Variants in ATP2C2 observed in about 807,000 individuals in gnomAD.
ATP2C2 encodes ATPase secretory pathway Ca2+ transporting 2.
Under a neutral mutation model 110.8 loss-of-function variants are expected in ATP2C2, and 171 were observed. The observed-to-expected ratio is 1.54, with a 90% CI of 1.36 to 1.75. The LOEUF (loss-of-function observed/expected upper bound fraction) is 1.75, where lower values mean the gene tolerates loss of function less well. Ranked by LOEUF, ATP2C2 falls within the 40% of genes most tolerant of loss-of-function variation. The probability of loss-of-function intolerance (pLI) is 0.00; values close to 1 mark genes in which losing one functional copy is unlikely to be tolerated. For synonymous variants in ATP2C2, 804 were observed against 508.4 expected (o/e 1.58, Z -7.82); for missense variants, 1,963 against 1,235.0 (o/e 1.59, Z -8.84).
At chr16:84,393,353 T>G (rs1904773851) in intron 1 of ATP2C2, among the ~76,000 whole-genome samples, 1 of 150,816 alleles carries the variant, frequency 6.6e-6, no homozygotes, top group Admixed American at 6.6e-5. Flanking sequence ...GGGCGAGGAG[T>G]GGCAGCGTCC....
chr16:84,422,416 C>G lies in ATP2C2; in HGVS notation c.651C>G (p.Ser217=), dbSNP rs549313591. Residue 217 remains serine, a synonymous_variant, in exon 8 of 27, where the codon TCC becomes TCG. Transcript: ENST00000262429. ...TEVTDLLVDE[S]SFTGEAEPCS... ...TCACGGACCTCTTGGTGGATGAATC[C>G]AGTTTCACCGGGGAAGCCGAGCCAT... 5.0e-6 allele frequency: 8 copies of G among 1,614,068 alleles called. No individual in the cohort carries two copies. The highest frequency in any genetic ancestry group is 1.6e-4 in the Middle Eastern group (1 of 6,062).
At chr16:84,453,413 G>A (rs754090777) in intron 20 of ATP2C2, 42 bp downstream of exon 20, 35 of 1,611,182 alleles carry the variant, frequency 2.2e-5, no homozygotes, top group East Asian at 8.9e-5. Flanking sequence ...TGCTGGGGCC[G>A]GGCCAGAGAC....
At chr16:84,428,995 T>C (rs1378853004) in intron 11 of ATP2C2, among the ~76,000 whole-genome samples, 1 of 152,150 alleles carries the variant, frequency 6.6e-6, no homozygotes, top group Non-Finnish European at 1.5e-5. Context: ...TCTCGGTTTG[T>C]TTTACTAATG....
intron 10 of ATP2C2, among the ~76,000 whole-genome samples, chr16:84,425,095 C>G (rs1032409259): frequency 1.3e-5 from 2 of 152,152 alleles, no homozygotes; most frequent in African/African-American, 4.8e-5. Flanking sequence ...CATACACACA[C>G]ACACCCCGCT....
chr16:84,425,491 A>C (rs1907728813), intron 10 of ATP2C2, among the ~76,000 whole-genome samples: 1 of 152,124 alleles, frequency 6.6e-6, no homozygotes, highest in South Asian at 2.1e-4. Context: ...TCCAAAATAG[A>C]CTGATTGAGC....
chr16:84,378,634 C>T (rs1910389862), intron 1 of ATP2C2, among the ~76,000 whole-genome samples: 1 of 152,236 alleles, frequency 6.6e-6, no homozygotes, highest in Non-Finnish European at 1.5e-5. Context: ...CAGAATCAAG[C>T]CCTGTCTTGC....
At chr16:84,392,147 C>G (rs1056914442) in intron 1 of ATP2C2, among the ~76,000 whole-genome samples, 8 of 152,086 alleles carry the variant, frequency 5.3e-5, no homozygotes, top group African/African-American at 1.9e-4. Context: ...TACCCAGTGC[C>G]AATGAGGGGA....
intron 7 of ATP2C2, among the ~76,000 whole-genome samples, chr16:84,420,003 C>T (rs915752554): frequency 6.6e-6 from 1 of 152,164 alleles, no homozygotes; most frequent in African/African-American, 2.4e-5. Flanking sequence ...AGCTACTTGT[C>T]TCATGCTGAC....
In ATP2C2 at chr16:84,415,484, C is replaced by G. The variant is rs1211161796; in HGVS notation, c.517C>G (p.Leu173Val). The G allele has an allele frequency of 3.7e-6, 6 of 1,614,054 alleles. No individual in the cohort carries two copies. In the Admixed American group the frequency reaches 5.0e-5, roughly 13 times the overall value. ...TGCTTTTTACCATGTCAAATGCAGC[C>G]TAAGAGAAGGAAAACTCCAGCACCT... is the stretch of plus-strand genomic sequence containing the variant. ...TKLVPPECNC[L>V]REGKLQHLLA... The change falls in exon 7 of 27, where the codon CTA (leucine) becomes GTA (valine). Residue 173 changes from leucine to valine, a missense_variant and splice_region_variant. Physicochemically the swap from Leu to Val is conservative, Grantham distance 32. Coordinates refer to ENST00000262429, the MANE Select transcript of ATP2C2 (RefSeq NM_014861.4).
At position 84,439,493 on chromosome 16, in the gene ATP2C2, A is replaced by C. The variant is rs372130717; in HGVS notation, c.1178A>C (p.Gln393Pro). ...TLTANEMTVT[Q>P]LVTSDGLRAE... ...ACTGCCAATGAAATGACAGTGACCCAGCTTGTAACGTCAGATGGGCTTCGT... is the reference window on the plus strand; with the variant it reads ...ACTGCCAATGAAATGACAGTGACCCCGCTTGTAACGTCAGATGGGCTTCGT... The change falls in exon 13 of 27, where the codon CAG (glutamine) becomes CCG (proline). Residue 393 changes from glutamine to proline, a missense_variant. By Grantham distance (76) the Gln-to-Pro change is moderately conservative. Transcript: ENST00000262429. 2.2e-5 allele frequency: 36 copies of C among 1,614,118 alleles called. No individual in the cohort carries two copies. The highest frequency in any genetic ancestry group is 3.1e-5 in the Non-Finnish European group (36 of 1,180,052).
At position 84,374,707 on chromosome 16, in the gene ATP2C2, A is replaced by T. The variant is rs189895156; in HGVS notation, c.99+5993A>T. Among the ~76,000 whole-genome samples, 39 of 152,220 alleles carry T rather than the reference A, an allele frequency of 2.6e-4. No individual in the cohort carries two copies. The East Asian group carries it at 7.3e-3, about 29-fold the overall frequency. ...TTTGGTTTTCATTTGTGTGCACACA[A>T]ATTGTTTGTAGATTTGGTATTTCTC... On this transcript the variant is annotated intron_variant, in intron 1 of 26. Transcript: ENST00000262429.
chr16:84,432,397 C>T (rs959252463), intron 11 of ATP2C2, among the ~76,000 whole-genome samples: 3 of 152,128 alleles, frequency 2.0e-5, no homozygotes, highest in African/African-American at 7.2e-5. Flanking sequence ...TTAAGCCCCA[C>T]ATGCATTAGG....
Position 84,405,363 on chromosome 16 carries a change from C to G in ATP2C2, c.327+119C>G, listed in dbSNP as rs928497515. 2.0e-5 allele frequency: 16 copies of G among 819,498 alleles called. No homozygotes were observed. In the Admixed American group the frequency reaches 3.5e-4, roughly 18 times the overall value. 50.8% of individuals were successfully genotyped at this position (819,498 alleles called of 1,614,324 possible). A position where few individuals can be genotyped will look rare whatever the true frequency, so the allele number is the denominator to read the frequency against. On this transcript the variant is annotated intron_variant, in intron 3 of 26. Transcript: ENST00000262429. ...TTGGACAGCTCCCGCCCCTTTCACG[C>G]TGCCCCAGCCAGCCTGAGCATCAGT...
chr16:84,459,053 A>G, intron 21 of ATP2C2, 67 bp from the exon 22 acceptor site: 1 of 1,557,360 alleles, frequency 6.4e-7, no homozygotes, highest in Non-Finnish European at 8.8e-7. Context: ...CCCTTGCAGC[A>G]ACCGATGCAC....
At chr16:84,412,269 T>C (rs1352979921) in intron 6 of ATP2C2, among the ~76,000 whole-genome samples, 1 of 143,080 alleles carries the variant, frequency 7.0e-6, no homozygotes, top group Non-Finnish European at 1.5e-5. Flanking sequence ...TGTGTATGTA[T>C]GTGTGTACGT....
intron 1 of ATP2C2, among the ~76,000 whole-genome samples, chr16:84,380,114 T>C (rs1345611119): frequency 6.6e-6 from 1 of 152,152 alleles, no homozygotes; most frequent in East Asian, 1.9e-4. Context: ...TCAGGAAAGA[T>C]AAGCTGGCCT....
chr16:84,411,052 C>T, intron 6 of ATP2C2: 1 of 504,070 alleles, frequency 2.0e-6, no homozygotes, highest in Non-Finnish European at 3.6e-6. Flanking sequence ...GGGTAGCCCA[C>T]AAAGCCTGTG....
chr16:84,420,631 T>C (rs941003984), intron 7 of ATP2C2, among the ~76,000 whole-genome samples: 8 of 152,172 alleles, frequency 5.3e-5, no homozygotes, highest in Non-Finnish European at 7.4e-5. Flanking sequence ...GGAACCCATA[T>C]TGATGCCTTC....
chr16:84,460,847 G>A (rs1043299458), intron 24 of ATP2C2, 46 bp downstream of exon 24: 2 of 1,566,140 alleles, frequency 1.3e-6, no homozygotes, highest in East Asian at 2.2e-5. Context: ...CTGGTGCGGT[G>A]CAGACGCTGG....
Sources: allele counts gnomAD v4.1 joint callset (sites outside exome capture counted in the v4.1 genomes callset), GRCh38; gene constraint gnomAD v4.1.1; transcripts MANE v1.5; gene names NCBI Gene and HGNC (gene_info 2026-07-23, HGNC 2026-07-21).